The following SPTAN1 variants were observed in gnomAD, a reference collection of about 807,000 sequenced individuals.
The protein encoded by SPTAN1 is spectrin alpha, non-erythrocytic 1, also known as spectrin alpha chain, non-erythrocytic 1.
In SPTAN1, 61 loss-of-function variants were observed where a neutral mutation model predicts 331.3. The ratio of observed to expected loss-of-function variants is 0.18; its 90% CI spans 0.15 to 0.23. The LOEUF is 0.23. Ranked by LOEUF, SPTAN1 falls within the 10% of genes least tolerant of loss-of-function variation. The pLI, the probability that SPTAN1 is intolerant of heterozygous loss-of-function variation, is 1.00. For synonymous variants in SPTAN1, 1,153 were observed against 1,173.9 expected, an observed-to-expected ratio of 0.98 and a Z score of 0.36; for missense variants, 2,043 against 3,147.9, an observed-to-expected ratio of 0.65 and a Z score of 8.40.
At chr9:128,589,518 C>G (rs1289258353) in intron 21 of SPTAN1, among the ~76,000 whole-genome samples, 3 of 150,136 alleles carry the variant, frequency 2.0e-5, no homozygotes, top group African/African-American at 7.4e-5. Flanking sequence ...CCTCGTGATC[C>G]ACCCACCTCA....
rs969266634 is a variant in SPTAN1, at chr9:128,627,522, A to T, written c.6689+24A>T. On this transcript the variant is annotated intron_variant, in intron 50 of 56. Transcript: ENST00000372739. The surrounding 1 kb of genome is among the most constrained non-coding windows in gnomAD (Gnocchi z 4.9). ...AGGTGCCAGCCCGCTGGGGCCGGGG[A>T]GCAGCAGCATGTCCCTGCTGTACTT... The T allele has an allele frequency of 6.5e-7, 1 of 1,538,266 alleles. No individual in the cohort carries two copies. Among genetic ancestry groups the T allele is most frequent in the African/African-American group, 1.4e-5 (1 of 72,776 alleles).
At chr9:128,580,486 C>CTTG (rs961383643) in intron 10 of SPTAN1, among the ~76,000 whole-genome samples, 91 of 151,926 alleles carry the variant, frequency 6.0e-4, no homozygotes, top group African/African-American at 2.2e-3. Flanking sequence ...ATTTCAAAGA[C>CTTG]TTGTCATTAG....
At chr9:128,618,758 C>T in intron 43 of SPTAN1, 113 bp from the exon 44 acceptor site, 3 of 1,493,600 alleles carry the variant, frequency 2.0e-6, no homozygotes, top group Non-Finnish European at 2.8e-6. Flanking sequence ...GCTGGGATTG[C>T]AGGCATGAGC....
chr9:128,599,090 C>T (rs1554754179), intron 26 of SPTAN1, 104 bp downstream of exon 26: 5 of 1,069,670 alleles, frequency 4.7e-6, no homozygotes, highest in Middle Eastern at 2.0e-4. Context: ...TGTTCCTGAA[C>T]CTCAGATGCC....
At chr9:128,574,607 T>A in intron 3 of SPTAN1, 68 bp from the exon 4 acceptor site, 1 of 1,594,868 alleles carries the variant, frequency 6.3e-7, no homozygotes, top group African/African-American at 1.3e-5. Context: ...TTGTCTAAAC[T>A]CTATGGAAGA....
chr9:128,594,394 C>G (rs1404726001), intron 24 of SPTAN1, 21 bp downstream of exon 24: 1 of 1,554,092 alleles, frequency 6.4e-7, no homozygotes, highest in Non-Finnish European at 8.9e-7. Context: ...TCTTCAGGCT[C>G]AGCTGAAAAT....
At chr9:128,586,290 TTTTTAA>T (rs988460456) in intron 19 of SPTAN1, among the ~76,000 whole-genome samples, 10 of 151,882 alleles carry the variant, frequency 6.6e-5, no homozygotes, top group African/African-American at 2.4e-4. Flanking sequence ...CTAGCTACGC[TTTTTAA>T]TTTTAATTTT....
chr9:128,601,309 A>C (rs1855122608), intron 27 of SPTAN1: 1 of 151,990 alleles, frequency 6.6e-6, no homozygotes, highest in Non-Finnish European at 1.5e-5. Flanking sequence ...TGATTGTGTA[A>C]CTGGTTGCCT....
intron 25 of SPTAN1, chr9:128,598,705 G>T: frequency 1.5e-6 from 1 of 660,310 alleles, no homozygotes; most frequent in Non-Finnish European, 2.7e-6. Flanking sequence ...GTTTGGAGGG[G>T]GGTGGGGGCT....
intron 40 of SPTAN1, 83 bp downstream of exon 40, chr9:128,613,568 A>T: frequency 8.7e-7 from 1 of 1,147,144 alleles, no homozygotes; most frequent in South Asian, 1.3e-5. Flanking sequence ...GTGTTTGAGA[A>T]AAGAGAGTGA....
At chr9:128,557,319 G>T (rs1160414902) in intron 1 of SPTAN1, among the ~76,000 whole-genome samples, 1 of 152,110 alleles carries the variant, frequency 6.6e-6, no homozygotes, top group Non-Finnish European at 1.5e-5. Context: ...TTTTAATAGA[G>T]ACTCCTTTCA....
intron 2 of SPTAN1, among the ~76,000 whole-genome samples, chr9:128,567,976 G>A (rs1387840822): frequency 6.6e-6 from 1 of 151,684 alleles, no homozygotes; most frequent in East Asian, 1.9e-4. Flanking sequence ...TTGCCAGGCT[G>A]GTTTCGAACT....
intron 1 of SPTAN1, among the ~76,000 whole-genome samples, chr9:128,555,839 A>G (rs1384492421): frequency 1.3e-5 from 2 of 152,154 alleles, no homozygotes; most frequent in Non-Finnish European, 2.9e-5. Context: ...TTAAAATTTG[A>G]CAAATATTGT....
At chr9:128,581,998 G>A (rs1356539494) in intron 12 of SPTAN1, 106 bp downstream of exon 12, 5 of 855,140 alleles carry the variant, frequency 5.8e-6, no homozygotes, top group African/African-American at 3.3e-5. Flanking sequence ...CATATGCAGA[G>A]TACTCCTGTG....
At chr9:128,581,963 T>G in intron 12 of SPTAN1, 71 bp downstream of exon 12, 2 of 1,154,286 alleles carry the variant, frequency 1.7e-6, no homozygotes, top group Non-Finnish European at 2.6e-6. Flanking sequence ...CCTGGAAGGA[T>G]TCCAAACAGA....
Position 128,582,792 on chromosome 9 carries a change from T to C in SPTAN1, c.1749T>C (p.Asp583=). The part of the protein sequence containing the change: ...FHLQQFFRDS[D]ELKSWVNEKM... ...TGCAGCAGTTTTTCCGTGATTCTGA[T>C]GAGCTCAAGAGTTGGGTCAATGAGA... is the stretch of plus-strand genomic sequence containing the variant. Residue 583 remains aspartate (D), a synonymous_variant, in exon 14 of 57, where the codon GAT becomes GAC. Coordinates refer to ENST00000372739, the MANE Select transcript of SPTAN1 (RefSeq NM_001130438.3). The C allele has an allele frequency of 6.2e-7, 1 of 1,614,012 alleles. No individual in the cohort carries two copies. Among genetic ancestry groups the C allele is most frequent in the Non-Finnish European group, 8.5e-7 (1 of 1,180,046 alleles).
intron 24 of SPTAN1, among the ~76,000 whole-genome samples, chr9:128,597,082 C>T (rs567896938): frequency 2.1e-4 from 32 of 152,308 alleles, no homozygotes; most frequent in Non-Finnish European, 4.0e-4. Context: ...ATCGCTTGAA[C>T]CCGGGAGGCG....
chr9:128,628,036 G>A, intron 51 of SPTAN1, 94 bp downstream of exon 51: 1 of 1,501,484 alleles, frequency 6.7e-7, no homozygotes, highest in Non-Finnish European at 9.3e-7. Flanking sequence ...CCCGGGATGG[G>A]CCTTCCTGCC....
intron 26 of SPTAN1, 28 bp downstream of exon 26, chr9:128,599,014 T>A: frequency 1.2e-6 from 2 of 1,610,774 alleles, no homozygotes; most frequent in Middle Eastern, 1.7e-4. Flanking sequence ...TGTGTGGATC[T>A]TGAACATGAG....
Sources: allele counts gnomAD v4.1 joint callset (sites outside exome capture counted in the v4.1 genomes callset), GRCh38; gene constraint gnomAD v4.1.1; non-coding constraint Gnocchi (gnomAD v3.1); transcripts MANE v1.5; gene names NCBI Gene and HGNC (gene_info 2026-07-23, HGNC 2026-07-21).